Variants in SKIC3 observed in about 807,000 individuals in gnomAD.
SKIC3 encodes the protein SKI3 subunit of superkiller complex.
At chr5:95,529,987 C>A in the SKIC3 span, 10 of 1,444,950 alleles carry the variant, frequency 6.9e-6, no homozygotes, top group South Asian at 1.2e-4. Flanking sequence ...TTTTTCCCTT[C>A]CACCTTAGAT....
the SKIC3 span, among the ~76,000 whole-genome samples, chr5:95,492,681 A>AAAAAAAAAAAAAAAAAAAAAAC: frequency 7.1e-6 from 1 of 140,788 alleles, no homozygotes; most frequent in Non-Finnish European, 1.5e-5. Flanking sequence ...AAAAAAAAAA[A>AAAAAAAAAAAAAAAAAAAAAAC]AAAAAAAACA....
At chr5:95,500,677 T>C in the SKIC3 span, among the ~76,000 whole-genome samples, 1 of 152,152 alleles carries the variant, frequency 6.6e-6, no homozygotes, top group African/African-American at 2.4e-5. Flanking sequence ...GGTGAAGATT[T>C]AACACTGAGA....
the SKIC3 span, among the ~76,000 whole-genome samples, chr5:95,551,016 A>C: frequency 1.3e-5 from 2 of 152,156 alleles, no homozygotes; most frequent in South Asian, 4.1e-4. Context: ...TGAATCAAGG[A>C]CATCTACAGA....
the SKIC3 span, among the ~76,000 whole-genome samples, chr5:95,541,069 C>CTGG: frequency 6.6e-6 from 1 of 152,148 alleles, no homozygotes; most frequent in Non-Finnish European, 1.5e-5. Flanking sequence ...TGGGTTGAAG[C>CTGG]AATTCTCCTG....
chr5:95,543,641 C>A, the SKIC3 span, among the ~76,000 whole-genome samples: 1 of 152,212 alleles, frequency 6.6e-6, no homozygotes, highest in Non-Finnish European at 1.5e-5. Flanking sequence ...ACTCAATCAT[C>A]CTGCCTGTCT....
At chr5:95,528,524 T>C in the SKIC3 span, among the ~76,000 whole-genome samples, 5 of 152,318 alleles carry the variant, frequency 3.3e-5, no homozygotes, top group Admixed American at 2.6e-4. Flanking sequence ...TGAATTAGAA[T>C]GGACCAAGGT....
chr5:95,532,964 TGAG>T, the SKIC3 span, among the ~76,000 whole-genome samples: 1 of 152,104 alleles, frequency 6.6e-6, no homozygotes, highest in Non-Finnish European at 1.5e-5. Flanking sequence ...AAACTTAGCT[TGAG>T]GGGGGAAAAA....
chr5:95,471,057 T>A, the SKIC3 span, among the ~76,000 whole-genome samples: 1 of 152,156 alleles, frequency 6.6e-6, no homozygotes, highest in Non-Finnish European at 1.5e-5. Flanking sequence ...TATCTCTGAG[T>A]GCAGTATAGG....
the SKIC3 span, among the ~76,000 whole-genome samples, chr5:95,475,243 G>A: frequency 6.6e-6 from 1 of 152,110 alleles, no homozygotes. Flanking sequence ...GATATGGCTT[G>A]GAGCTGTGTC....
chr5:95,469,981 C>CA, the SKIC3 span: 1 of 1,275,698 alleles, frequency 7.8e-7, no homozygotes, highest in Non-Finnish European at 1.1e-6. Context: ...CAATTCAATT[C>CA]TTTTTTTTTT....
chr5:95,531,037 C>A, the SKIC3 span, among the ~76,000 whole-genome samples: 2 of 150,444 alleles, frequency 1.3e-5, no homozygotes, highest in African/African-American at 4.9e-5. Context: ...CAACTTGAAG[C>A]AATAAATATG....
At chr5:95,500,666 C>T in the SKIC3 span, among the ~76,000 whole-genome samples, 30 of 152,174 alleles carry the variant, frequency 2.0e-4, no homozygotes, top group South Asian at 1.2e-3. Context: ...GTACATCTAT[C>T]GGTGAAGATT....
chr5:95,497,570 T>A, the SKIC3 span: 1 of 1,061,600 alleles, frequency 9.4e-7, no homozygotes, highest in Non-Finnish European at 1.4e-6. Context: ...TTATTAAGTT[T>A]AAAACTTTTC....
At chr5:95,525,351 A>G in the SKIC3 span, 2,594 of 1,549,956 alleles carry the variant, frequency 1.7e-3, 42 homozygotes, top group African/African-American at 0.032. Context: ...CAGAAATATA[A>G]AGAACTAAGA....
At chr5:95,552,885 T>A in the SKIC3 span, among the ~76,000 whole-genome samples, 1 of 150,498 alleles carries the variant, frequency 6.6e-6, no homozygotes, top group Non-Finnish European at 1.5e-5. Flanking sequence ...GGCGAGGGAG[T>A]TGGGGGAAGG....
the SKIC3 span, among the ~76,000 whole-genome samples, chr5:95,554,208 A>C: frequency 6.6e-6 from 1 of 152,192 alleles, no homozygotes; most frequent in African/African-American, 2.4e-5. Flanking sequence ...TACTACAATT[A>C]TCTTAGGCAA....
At chr5:95,467,275 A>C in the SKIC3 span, among the ~76,000 whole-genome samples, 3 of 152,304 alleles carry the variant, frequency 2.0e-5, no homozygotes, top group Admixed American at 2.0e-4. Context: ...GATATATAAA[A>C]ATATCCATGA....
the SKIC3 span, among the ~76,000 whole-genome samples, chr5:95,545,604 A>G: frequency 6.6e-6 from 1 of 152,262 alleles, no homozygotes; most frequent in East Asian, 1.9e-4. Flanking sequence ...CTTCTTTTAC[A>G]GCTCACATGC....
the SKIC3 span, among the ~76,000 whole-genome samples, chr5:95,481,243 T>A: frequency 6.6e-6 from 1 of 152,122 alleles, no homozygotes; most frequent in Non-Finnish European, 1.5e-5. Context: ...AGGGATCTGG[T>A]AGAAGGTAAC....
Sources: allele counts gnomAD v4.1 joint callset (sites outside exome capture counted in the v4.1 genomes callset), GRCh38; gene constraint gnomAD v4.1.1; transcripts MANE v1.5; gene names NCBI Gene and HGNC (gene_info 2026-07-23, HGNC 2026-07-21).